Variants in PRR33 observed in about 807,000 individuals in gnomAD.
PRR33 encodes proline rich 33, also known as proline-rich protein 33.
In PRR33, 1 loss-of-function variant was observed where a neutral mutation model predicts 0.5. The ratio of observed to expected loss-of-function variants is 2.18; its 90% CI spans 0.77 to 10.34. PRR33 has a LOEUF of 10.34. Among genes scored for constraint, PRR33 ranks in the 30% most tolerant of loss-of-function variants. The pLI is 0.13. For missense variants in PRR33, 552 were observed against 251.8 expected (o/e 2.19, Z -8.07); for synonymous variants, 226 against 110.0 (o/e 2.06, Z -6.60).
upstream of PRR33, chr11:1,892,040 A>G (rs1018169055): frequency 4.7e-5 from 7 of 148,312 alleles, no homozygotes; most frequent in Non-Finnish European, 1.0e-4. Context: ...ACTCCTGATC[A>G]TTGGCCAAAG....
At chr11:1,889,118 T>C in exon 1 of PRR33, 1 of 619,316 alleles carries the variant, frequency 1.6e-6, no homozygotes, top group South Asian at 1.9e-5. Flanking sequence ...CCCATGGTCC[T>C]GGGCTCTGGG....
exon 1 of PRR33, chr11:1,890,212 A>G (rs1400113524): frequency 1.4e-6 from 1 of 716,430 alleles, no homozygotes; most frequent in African/African-American, 1.8e-5. Context: ...TGCAGGGGTG[A>G]TGCCACGTGG....
At chr11:1,889,762 G>A (rs538665779) in exon 1 of PRR33, 13 of 650,006 alleles carry the variant, frequency 2.0e-5, no homozygotes, top group African/African-American at 1.5e-4. Context: ...TCCAGCGAGC[G>A]GCAGGTCGGG....
At chr11:1,917,609 C>A in the PRR33 span, among the ~76,000 whole-genome samples, 1 of 152,236 alleles carries the variant, frequency 6.6e-6, no homozygotes, top group Non-Finnish European at 1.5e-5. Flanking sequence ...CCATCCCGGT[C>A]CGGCCAGATG....
chr11:1,891,705 G>A (rs898751594), exon 1 of PRR33: 1 of 152,694 alleles, frequency 6.5e-6, no homozygotes, highest in East Asian at 1.9e-4. Context: ...GGGCTTGCAG[G>A]AGGCAGGTCT....
At chr11:1,917,203 TG>T in the PRR33 span, among the ~76,000 whole-genome samples, 1 of 152,168 alleles carries the variant, frequency 6.6e-6, no homozygotes, top group East Asian at 1.9e-4. Flanking sequence ...GGATCCAGCC[TG>T]GGGGCTCAGG....
chr11:1,899,825 T>C, the PRR33 span, among the ~76,000 whole-genome samples: 292 of 152,304 alleles, frequency 1.9e-3, 1 homozygote, highest in Non-Finnish European at 3.4e-3. Context: ...ATCAGTGCTC[T>C]TGCCTGGGAA....
exon 1 of PRR33, chr11:1,891,048 C>G: frequency 6.2e-6 from 1 of 160,830 alleles, no homozygotes. Flanking sequence ...GTGAGGGGCG[C>G]CCTGTTGTCG....
chr11:1,897,346 T>C, the PRR33 span, among the ~76,000 whole-genome samples: 1 of 152,206 alleles, frequency 6.6e-6, no homozygotes, highest in Non-Finnish European at 1.5e-5. The surrounding 1 kb of genome is among the most constrained non-coding windows in gnomAD (Gnocchi z 4.0). Context: ...CACTGGGAAA[T>C]AGCAGAACAA....
At chr11:1,916,958 G>C in the PRR33 span, among the ~76,000 whole-genome samples, 1 of 152,216 alleles carries the variant, frequency 6.6e-6, no homozygotes, top group African/African-American at 2.4e-5. Flanking sequence ...CTGCCTGCCA[G>C]AGCAGCCACC....
At chr11:1,917,634 G>T in the PRR33 span, among the ~76,000 whole-genome samples, 18 of 152,258 alleles carry the variant, frequency 1.2e-4, no homozygotes, top group Non-Finnish European at 2.6e-4. Context: ...CAGGGCATGG[G>T]TTACCTGGTG....
chr11:1,905,431 CTCTTT>C, the PRR33 span, among the ~76,000 whole-genome samples: 1 of 122,420 alleles, frequency 8.2e-6, no homozygotes, highest in Middle Eastern at 6.8e-3. Flanking sequence ...CCGGCCTTCT[CTCTTT>C]TTTTTTTTTT....
the PRR33 span, chr11:1,889,200 AGCTCC>A: frequency 1.5e-6 from 1 of 673,316 alleles, no homozygotes. Context: ...CTGGGGGCTC[AGCTCC>A]AGGATGGAGC....
chr11:1,892,038 T>G (rs1589838484), upstream of PRR33: 1 of 150,318 alleles, frequency 6.7e-6, no homozygotes, highest in East Asian at 2.0e-4. Context: ...AAACTCCTGA[T>G]CATTGGCCAA....
chr11:1,905,122 CTTTT>C, the PRR33 span, among the ~76,000 whole-genome samples: 7 of 96,574 alleles, frequency 7.2e-5, no homozygotes, highest in African/African-American at 8.1e-5. Context: ...CTTGAGAATT[CTTTT>C]TTTTTTTTTT....
chr11:1,890,681 G>A, exon 1 of PRR33: 3 of 630,722 alleles, frequency 4.8e-6, no homozygotes, highest in Non-Finnish European at 8.6e-6. Flanking sequence ...GAGGACCTGG[G>A]GCCAGGGGTG....
chr11:1,889,624 G>T, exon 1 of PRR33: 1 of 614,060 alleles, frequency 1.6e-6, no homozygotes, highest in South Asian at 1.9e-5. Flanking sequence ...GGGCCTGATG[G>T]TGGGGTAGGG....
chr11:1,914,277 ATGTG>A, the PRR33 span, among the ~76,000 whole-genome samples: 4 of 130,744 alleles, frequency 3.1e-5, no homozygotes, highest in African/African-American at 9.2e-5. Flanking sequence ...GATGTTCTGT[ATGTG>A]TGTGTGTGTT....
upstream of PRR33, among the ~76,000 whole-genome samples, chr11:1,892,505 T>C (rs1282940210): frequency 3.9e-5 from 6 of 152,352 alleles, no homozygotes; most frequent in Non-Finnish European, 8.8e-5. Flanking sequence ...GTGATATCCC[T>C]ACCCCAACCA....
Sources: allele counts gnomAD v4.1 joint callset (sites outside exome capture counted in the v4.1 genomes callset), GRCh38; gene constraint gnomAD v4.1.1; non-coding constraint Gnocchi (gnomAD v3.1); transcripts MANE v1.5; gene names NCBI Gene and HGNC (gene_info 2026-07-23, HGNC 2026-07-21).